IL1RAPL2: variants seen among roughly 807,000 people sequenced by gnomAD.
IL1RAPL2 encodes the protein interleukin 1 receptor accessory protein like 2.
A neutral mutation model predicts 44.1 loss-of-function variants in IL1RAPL2; 3 were observed. The observed-to-expected ratio is 0.07, with a 90% CI of 0.03 to 0.18. The LOEUF is 0.18. IL1RAPL2 is among the 10% of genes least tolerant of loss of function. The pLI, the probability that IL1RAPL2 is intolerant of heterozygous loss-of-function variation, is 1.00. For missense variants in IL1RAPL2, 391 were observed against 496.4 expected (o/e 0.79, Z 2.02); for synonymous variants, 181 against 178.8 (o/e 1.01, Z -0.10).
chrX:104,765,947 C>G (rs1438437552), intron 2 of IL1RAPL2, among the ~76,000 whole-genome samples: 1 of 112,242 alleles, frequency 8.9e-6, no homozygotes, highest in Non-Finnish European at 1.9e-5. Context: ...TATTTCAAAA[C>G]TCTATCAAAG....
chrX:105,575,717 G>T (rs1338422713), intron 6 of IL1RAPL2, among the ~76,000 whole-genome samples: 1 of 112,373 alleles, frequency 8.9e-6, no homozygotes, highest in Non-Finnish European at 1.9e-5. Context: ...TGGAATGGTA[G>T]TTCTATTTTT....
chrX:105,251,538 G>A (rs1351964457), intron 4 of IL1RAPL2, among the ~76,000 whole-genome samples: 3 of 108,200 alleles, frequency 2.8e-5, no homozygotes, highest in Non-Finnish European at 5.8e-5. Context: ...AGATCCATTT[G>A]TACTTCTTTT....
chrX:104,886,218 C>A (rs1263744245), intron 2 of IL1RAPL2, among the ~76,000 whole-genome samples: 2 of 112,433 alleles, frequency 1.8e-5, no homozygotes, highest in Admixed American at 9.4e-5. Flanking sequence ...AAGTCCCACA[C>A]CCTTATTAGG....
chrX:105,132,366 C>CT (rs1362057669), intron 2 of IL1RAPL2, among the ~76,000 whole-genome samples: 2 of 110,566 alleles, frequency 1.8e-5, no homozygotes, highest in Non-Finnish European at 3.8e-5. Flanking sequence ...GGTTAAGCTG[C>CT]TTCCTCTCAA....
At chrX:105,035,294 C>G (rs895775678) in intron 2 of IL1RAPL2, among the ~76,000 whole-genome samples, 1 of 111,815 alleles carries the variant, frequency 8.9e-6, no homozygotes, top group Non-Finnish European at 1.9e-5. Context: ...AACCTGGTAC[C>G]TCAGATGGAA....
At chrX:105,707,220 T>C in intron 6 of IL1RAPL2, among the ~76,000 whole-genome samples, 1 of 111,659 alleles carries the variant, frequency 9.0e-6, no homozygotes, top group Admixed American at 9.5e-5. Flanking sequence ...CCTCTTCCCT[T>C]TCCTTTCTCC....
chrX:105,043,944 A>T (rs545626847), intron 2 of IL1RAPL2, among the ~76,000 whole-genome samples: 2 of 112,288 alleles, frequency 1.8e-5, no homozygotes, highest in African/African-American at 6.5e-5. Context: ...TTTTATGAGT[A>T]TCAATTACAG....
intron 6 of IL1RAPL2, among the ~76,000 whole-genome samples, chrX:105,589,447 GC>G (rs2037152792): frequency 9.0e-6 from 1 of 111,291 alleles, no homozygotes; most frequent in Non-Finnish European, 1.9e-5. Context: ...TGAAATTGTT[GC>G]CAGGGCCTAC....
Position 105,685,435 on chromosome X carries a change from T to C in IL1RAPL2, c.773-31932T>C, listed in dbSNP as rs145778575. On this transcript the variant is annotated intron_variant, in intron 6 of 10. Coordinates refer to ENST00000372582, the MANE Select transcript of IL1RAPL2 (RefSeq NM_017416.2). ...GCGGAAGTTTCAATAGCCGATTCAA[T>C]TAGAAGAAAGGTTATCAGTGATTGA... is the stretch of plus-strand genomic sequence containing the variant. 5.9e-3 allele frequency among the ~76,000 whole-genome samples: 660 copies of C among 111,369 alleles called. 2 individuals carry two copies. The highest frequency in any genetic ancestry group is 8.9e-3 in the Non-Finnish European group (469 of 52,944).
intron 3 of IL1RAPL2, chrX:105,220,248 C>G (rs782665512): frequency 8.3e-6 from 10 of 1,211,778 alleles, no homozygotes; most frequent in Admixed American, 6.5e-5. Flanking sequence ...GTATGGCCCT[C>G]AGCTTGTCTT....
At chrX:104,920,110 C>T (rs1924589276) in intron 2 of IL1RAPL2, among the ~76,000 whole-genome samples, 1 of 111,169 alleles carries the variant, frequency 9.0e-6, no homozygotes, top group Non-Finnish European at 1.9e-5. Context: ...TCTTCTCCTC[C>T]TCTTCCCCAA....
rs189760293 is a variant in IL1RAPL2, at chrX:105,051,003, G to A, written c.83-144472G>A. Among the ~76,000 whole-genome samples, 955 of 112,263 alleles carry A rather than the reference G, an allele frequency of 8.5e-3. 37 individuals carry two copies. The highest frequency in any genetic ancestry group is 0.08 in the Admixed American group (857 of 10,680). On this transcript the variant is annotated intron_variant, in intron 2 of 10. Transcript: ENST00000372582. ...ACGGACCTCGGAGGAGAGGAAGTGC[G>A]TGCTGATTGGTCCGAGGGAAGCCAT...
At chrX:104,946,342 C>A (rs1458916921) in intron 2 of IL1RAPL2, among the ~76,000 whole-genome samples, 1 of 71,363 alleles carries the variant, frequency 1.4e-5, no homozygotes, top group East Asian at 5.2e-4. Flanking sequence ...CACTGCAGTC[C>A]GCAGTCTGGC....
At chrX:104,578,846 CAA>C (rs1019308949) in intron 1 of IL1RAPL2, among the ~76,000 whole-genome samples, 2 of 110,977 alleles carry the variant, frequency 1.8e-5, no homozygotes, top group Admixed American at 9.7e-5. Flanking sequence ...GCAGGAAAAA[CAA>C]AAAGTTCAAG....
intron 2 of IL1RAPL2, among the ~76,000 whole-genome samples, chrX:104,698,268 C>G (rs1295819118): frequency 8.9e-6 from 1 of 112,444 alleles, no homozygotes; most frequent in African/African-American, 3.2e-5. Flanking sequence ...TCGTCATATA[C>G]TGCTCCTTAG....
chrX:104,804,796 G>T (rs1569317691), intron 2 of IL1RAPL2, among the ~76,000 whole-genome samples: 1 of 112,549 alleles, frequency 8.9e-6, no homozygotes, highest in Non-Finnish European at 1.9e-5. Context: ...CTTGTGCAAA[G>T]CACTGTGGGA....
At chrX:105,042,052 C>T (rs996193175) in intron 2 of IL1RAPL2, among the ~76,000 whole-genome samples, 4 of 111,170 alleles carry the variant, frequency 3.6e-5, no homozygotes, top group Non-Finnish European at 7.6e-5. Context: ...GGATCCCTTC[C>T]TTACACCTTA....
At chrX:105,720,722 G>C (rs1429447535) in intron 7 of IL1RAPL2, among the ~76,000 whole-genome samples, 1 of 110,391 alleles carries the variant, frequency 9.1e-6, no homozygotes, top group African/African-American at 3.3e-5. Flanking sequence ...TGAATAGCTA[G>C]ACATGGTGTG....
At chrX:104,885,747 A>G (rs1923219840) in intron 2 of IL1RAPL2, among the ~76,000 whole-genome samples, 1 of 112,373 alleles carries the variant, frequency 8.9e-6, no homozygotes, top group African/African-American at 3.2e-5. Context: ...CAGAAAATGG[A>G]GCAGGCCAAT....
Sources: gnomAD v4.1 joint callset for allele counts (sites outside exome capture counted in the v4.1 genomes callset) on GRCh38, gnomAD v4.1.1 for gene constraint, MANE v1.5 for transcripts, NCBI Gene and HGNC (gene_info 2026-07-23, HGNC 2026-07-21) for gene names.